The following PAK3 variants were observed in gnomAD, a reference collection of about 807,000 sequenced individuals.
PAK3 encodes serine/threonine-protein kinase PAK 3.
Under a neutral mutation model 41.0 loss-of-function variants are expected in PAK3, and 4 were observed. The ratio of observed to expected loss-of-function variants is 0.10; its 90% CI spans 0.05 to 0.22. PAK3 has a LOEUF of 0.22. PAK3 is among the 10% of genes least tolerant of loss of function. The pLI is 1.00. For missense variants in PAK3, 205 were observed against 409.9 expected (o/e 0.50, Z 4.32); for synonymous variants, 146 against 139.6 (o/e 1.05, Z -0.32).
At chrX:111,010,518 T>C (rs1216085576) in intron 1 of PAK3, among the ~76,000 whole-genome samples, 1 of 111,806 alleles carries the variant, frequency 8.9e-6, no homozygotes, top group African/African-American at 3.3e-5. Flanking sequence ...ATTGGATCAC[T>C]GGGGCAGATT....
intron 16 of PAK3, among the ~76,000 whole-genome samples, chrX:111,213,321 G>A (rs181878505): frequency 4.7e-4 from 53 of 111,952 alleles, no homozygotes; most frequent in Middle Eastern, 4.6e-3. Context: ...TCAAATTACA[G>A]GGCTTTCTTC....
At chrX:111,000,673 A>T (rs1340673123) in intron 1 of PAK3, among the ~76,000 whole-genome samples, 2 of 111,923 alleles carry the variant, frequency 1.8e-5, no homozygotes, top group African/African-American at 6.5e-5. Context: ...TATTATGTTA[A>T]GGTGTTAAGA....
At position 111,006,913 on chromosome X, in the gene PAK3, T is replaced by C. The variant is rs1392294450; in HGVS notation, c.-28+62285T>C. On this transcript the variant is annotated intron_variant, in intron 1 of 14. Transcript: ENST00000425146. ...CTGCTGGAGTGTAGTGGTGTGATCATGGCTCACCGAAGCGTCAACTTTCCA... is the reference window on the plus strand; with the variant it reads ...CTGCTGGAGTGTAGTGGTGTGATCACGGCTCACCGAAGCGTCAACTTTCCA... Among the ~76,000 whole-genome samples the C allele has an allele frequency of 3.0e-5, 3 of 99,686 alleles. No individual in the cohort carries two copies. In the Admixed American group the frequency reaches 3.5e-4, roughly 12 times the overall value. The allele number at this position is 99,686 out of a possible 115,157, so 86.6% of individuals were successfully genotyped here.
intron 1 of PAK3, among the ~76,000 whole-genome samples, chrX:111,076,405 C>T (rs73539060): frequency 0.016 from 1,822 of 111,438 alleles, 46 homozygotes; most frequent in African/African-American, 0.057. Flanking sequence ...AATTCATACA[C>T]GTAAGATCTG....
chrX:111,177,906 G>C (rs893909335), intron 11 of PAK3, among the ~76,000 whole-genome samples: 3 of 111,216 alleles, frequency 2.7e-5, no homozygotes, highest in South Asian at 3.8e-4. Context: ...TTCTCTTTCA[G>C]GTTCATATTG....
At chrX:111,061,504 A>T (rs929087254) in intron 1 of PAK3, among the ~76,000 whole-genome samples, 1 of 111,929 alleles carries the variant, frequency 8.9e-6, no homozygotes, top group Non-Finnish European at 1.9e-5. Context: ...TCGCTTGTCA[A>T]ACCTTAGGAA....
intron 4 of PAK3, among the ~76,000 whole-genome samples, chrX:111,119,016 C>T (rs1174388533): frequency 9.0e-6 from 1 of 111,357 alleles, no homozygotes; most frequent in Non-Finnish European, 1.9e-5. Flanking sequence ...ATGAAGGTCA[C>T]TCTGTATGTG....
rs1192038548 is a variant in PAK3 at position 111,224,132 on chromosome X, A to G, written c.*3685A>G. ...AGGCTTTATGCTTGCCTGGGTGCTG[A>G]GGTTGGCACACGCTCGGGTATGGCA... On this transcript the variant is annotated 3_prime_UTR_variant, in exon 18 of 18. Coordinates refer to ENST00000372007, the MANE Select transcript of PAK3 (RefSeq NM_002578.5). The G allele has an allele frequency of 2.7e-5, 3 of 111,420 alleles. No homozygotes were observed. The South Asian group carries it at 1.1e-3, about 42-fold the overall frequency. 9.2% of individuals were successfully genotyped at this position (111,420 alleles called of 1,213,427 possible). A position where few individuals can be genotyped will look rare whatever the true frequency, so the allele number is the denominator to read the frequency against.
At chrX:111,191,007 T>G (rs1334406949) in intron 11 of PAK3, among the ~76,000 whole-genome samples, 1 of 112,347 alleles carries the variant, frequency 8.9e-6, no homozygotes, top group Non-Finnish European at 1.9e-5. Flanking sequence ...ACTATACAAT[T>G]TCTATTTGCA....
At chrX:111,195,357 A>G (rs1240922013) in intron 14 of PAK3, among the ~76,000 whole-genome samples, 1 of 111,977 alleles carries the variant, frequency 8.9e-6, no homozygotes, top group Non-Finnish European at 1.9e-5. Flanking sequence ...TTTCCAAACA[A>G]GTGCCTATAG....
In PAK3 at chrX:111,057,349, C is replaced by A. The variant is rs112891618; in HGVS notation, c.-27-65728C>A. Among the ~76,000 whole-genome samples, 391 of 111,833 alleles carry A rather than the reference C, an allele frequency of 3.5e-3. 1 individual carries two copies. Among genetic ancestry groups the A allele is most frequent in the Middle Eastern group, 0.028 (6 of 216 alleles). ...ACAATGCATATCCATATGATCACCA[C>A]CTAGATTCAATAATTAAGGTTCCAT... On this transcript the variant is annotated intron_variant, in intron 1 of 14. Transcript: ENST00000425146.
chrX:111,174,883 C>CT (rs2094388469), intron 11 of PAK3, among the ~76,000 whole-genome samples: 2 of 111,315 alleles, frequency 1.8e-5, no homozygotes, highest in African/African-American at 6.5e-5. Context: ...GGCAAGCTTA[C>CT]TCAATTCAAC....
At chrX:111,068,886 T>C (rs2092721127) in intron 1 of PAK3, among the ~76,000 whole-genome samples, 1 of 112,207 alleles carries the variant, frequency 8.9e-6, no homozygotes, top group Admixed American at 9.5e-5. Context: ...GTTGAGCTTG[T>C]GTAATGGGAG....
intron 5 of PAK3, among the ~76,000 whole-genome samples, chrX:111,123,917 C>T (rs757487006): frequency 3.6e-5 from 4 of 111,431 alleles, no homozygotes; most frequent in East Asian, 2.8e-4. Flanking sequence ...TGCTTTGTGA[C>T]GTGCAGGGAT....
Position 110,995,756 on chromosome X carries a change from C to A in PAK3, c.-28+51128C>A, listed in dbSNP as rs1315537407. 1.7e-4 allele frequency among the ~76,000 whole-genome samples: 19 copies of A among 111,066 alleles called. No individual in the cohort carries two copies. In the Admixed American group the frequency reaches 1.8e-3, roughly 11 times the overall value. Reference sequence around the variant, plus strand: ...CTCCTGTGCATCTCTCCACATTCATCCTGTTACACTCTTCCCCTTGCCCCC... The same window carrying A: ...CTCCTGTGCATCTCTCCACATTCATACTGTTACACTCTTCCCCTTGCCCCC... On this transcript the variant is annotated intron_variant, in intron 1 of 14. Coordinates refer to the PAK3 transcript ENST00000425146.
rs143876933 is a variant in PAK3 at position 111,088,329 on chromosome X, A to G, written c.-27-34748A>G. ...TAAATACGTTGTCCAAGGTTATCAAACTATAAAATAGTGAACCTGGGATTT... is the reference window on the plus strand; with the variant it reads ...TAAATACGTTGTCCAAGGTTATCAAGCTATAAAATAGTGAACCTGGGATTT... On this transcript the variant is annotated intron_variant, in intron 1 of 14. Transcript: ENST00000425146. 1.3e-4 allele frequency among the ~76,000 whole-genome samples: 15 copies of G among 112,108 alleles called. 1 individual carries two copies. In the East Asian group the frequency reaches 3.9e-3, roughly 29 times the overall value.
chrX:111,042,452 T>C (rs1385126854), intron 1 of PAK3, among the ~76,000 whole-genome samples: 2 of 111,394 alleles, frequency 1.8e-5, no homozygotes, highest in Admixed American at 9.5e-5. Context: ...TTCAAGACAG[T>C]GAGAGTAGAG....
At chrX:110,962,033 A>C (rs1034909342) in intron 1 of PAK3, among the ~76,000 whole-genome samples, 1 of 111,757 alleles carries the variant, frequency 8.9e-6, no homozygotes, top group African/African-American at 3.3e-5. Context: ...AATATGAGGA[A>C]TCTCTTCTTA....
chrX:111,014,954 T>C (rs2092066417), intron 1 of PAK3, among the ~76,000 whole-genome samples: 1 of 111,307 alleles, frequency 9.0e-6, no homozygotes, highest in Non-Finnish European at 1.9e-5. Context: ...GTTACCACTC[T>C]CTGAAGTCCC....
Sources: gnomAD v4.1 joint callset for allele counts (sites outside exome capture counted in the v4.1 genomes callset) on GRCh38, gnomAD v4.1.1 for gene constraint, MANE v1.5 for transcripts, NCBI Gene and HGNC (gene_info 2026-07-23, HGNC 2026-07-21) for gene names.